PCDHGA4: variants seen among roughly 807,000 people sequenced by gnomAD.
PCDHGA4 encodes the protein protocadherin gamma-A4.
Under a neutral mutation model 54.6 loss-of-function variants are expected in PCDHGA4, and 38 were observed. That is an observed-to-expected ratio of 0.70 (90% confidence interval 0.54 to 0.91). The LOEUF (loss-of-function observed/expected upper bound fraction) is 0.91. Ranked by LOEUF, PCDHGA4 falls within the 40% of genes least tolerant of loss-of-function variation. PCDHGA4 has a pLI of 0.00. For missense variants in PCDHGA4, 1,298 were observed against 1,220.9 expected (o/e 1.06, Z -0.94); for synonymous variants, 511 against 512.9 (o/e 1.00, Z 0.05).
chr5:141,414,723 C>A (rs775890033), intron 1 of PCDHGA4: 2 of 1,614,170 alleles, frequency 1.2e-6, no homozygotes, highest in South Asian at 2.2e-5. Flanking sequence ...CAGACACTGG[C>A]GTCCTGTATG....
At chr5:141,394,923 T>G in intron 1 of PCDHGA4, 2 of 1,613,816 alleles carry the variant, frequency 1.2e-6, no homozygotes, top group Non-Finnish European at 8.5e-7. Context: ...CTCCTGTGTC[T>G]TCCTCGCCTT....
rs10040701 is a variant in PCDHGA4 at position 141,508,490 on chromosome 5, A to G, written c.2663-2457A>G. ...TCTTTCTTTTACATTCTGGATTTCC[A>G]TATCTTCTCTCCCTCCTGGTCCAGC... On this transcript the variant is annotated intron_variant, in intron 3 of 3. Transcript: ENST00000571252. Among the ~76,000 whole-genome samples, 377 of 152,202 alleles carry G rather than the reference A, an allele frequency of 2.5e-3. 1 individual carries two copies. The highest frequency in any genetic ancestry group is 8.6e-3 in the African/African-American group (358 of 41,530).
chr5:141,386,365 A>G (rs1014338903), intron 1 of PCDHGA4, among the ~76,000 whole-genome samples: 2 of 152,278 alleles, frequency 1.3e-5, no homozygotes. Flanking sequence ...GATTCCAGAG[A>G]CCTTTGAGTA....
Position 141,511,202 on chromosome 5 carries a change from C to A in PCDHGA4, c.*29C>A. On this transcript the variant is annotated 3_prime_UTR_variant, in exon 4 of 4. Transcript: ENST00000571252. ...GGAGGCCAGGCCAAGAGCCACAGGG[C>A]GGCCTCTCCCCAACCAGCCCAGCTT... The A allele has an allele frequency of 6.2e-7, 1 of 1,612,136 alleles. No individual in the cohort carries two copies.
intron 1 of PCDHGA4, chr5:141,362,171 G>A (rs62378417): frequency 2.4e-5 from 39 of 1,613,760 alleles, no homozygotes; most frequent in Non-Finnish European, 2.6e-5. Context: ...AGCGACCGCC[G>A]GGAGCCCTCT....
chr5:141,409,258 C>G (rs2095247947), intron 1 of PCDHGA4: 2 of 1,613,918 alleles, frequency 1.2e-6, no homozygotes, highest in Non-Finnish European at 8.5e-7. Flanking sequence ...TCACTTCTCT[C>G]TCTGATCAGA....
rs1265422100 is a variant in PCDHGA4 at position 141,490,199 on chromosome 5, C to A, written c.2515-4608C>A. On this transcript the variant is annotated intron_variant, in intron 1 of 3. Transcript: ENST00000571252. This position sits in a 1 kb window ranked among gnomAD's most constrained non-coding sequence, Gnocchi z 5.4. The stretch of plus-strand genomic sequence containing the variant: ...GAGTCACGTTTCTATGAAATTCATG[C>A]AAGAGCCCGTGACCAGGGACAGCCT... The A allele has an allele frequency of 1.9e-6, 3 of 1,614,184 alleles. No homozygotes were observed. The highest frequency in any genetic ancestry group is 2.5e-6 in the Non-Finnish European group (3 of 1,180,024).
At position 141,355,420 on chromosome 5, in the gene PCDHGA4, C is replaced by CT. The variant is rs35876439; in HGVS notation, c.317dup (p.Ala107ArgfsTer14). On this transcript the variant is annotated frameshift_variant, in exon 1 of 4. Coordinates refer to ENST00000571252, the MANE Select transcript of PCDHGA4 (RefSeq NM_018917.4). LOFTEE classifies it high-confidence loss of function. ...CATCGTCTCCAGAGGTAGGACGCAG[C>CT]TTTTCGCCCTGAACCCGCGCAGCGG... is the stretch of plus-strand genomic sequence containing the variant. The CT allele has an allele frequency of 1.4e-5, 22 of 1,614,124 alleles. No individual in the cohort carries two copies. In the South Asian group the frequency reaches 2.4e-4, roughly 18 times the overall value.
At chr5:141,399,279 C>T (rs370090713) in intron 1 of PCDHGA4, 76 of 1,613,576 alleles carry the variant, frequency 4.7e-5, no homozygotes, top group Non-Finnish European at 5.0e-5. Flanking sequence ...AATTACAAGG[C>T]GAAGTCCCTT....
chr5:141,389,718 C>G, intron 1 of PCDHGA4: 5 of 1,612,622 alleles, frequency 3.1e-6, no homozygotes, highest in Non-Finnish European at 4.2e-6. Flanking sequence ...GGCTAGCGAG[C>G]CCGGGCTCTT....
intron 1 of PCDHGA4, chr5:141,421,214 G>T (rs1469085534): frequency 5.1e-6 from 8 of 1,561,612 alleles, no homozygotes; most frequent in Non-Finnish European, 6.9e-6. Flanking sequence ...CGGAATATCG[G>T]CTTAGAGCCT....
chr5:141,385,571 T>C (rs2090288104), intron 1 of PCDHGA4: 5 of 1,299,428 alleles, frequency 3.8e-6, no homozygotes, highest in Non-Finnish European at 4.9e-6. Context: ...TCCACCTACT[T>C]TCCAATCTAT....
intron 1 of PCDHGA4, chr5:141,411,226 C>G (rs781690096): frequency 6.6e-6 from 1 of 151,996 alleles, no homozygotes; most frequent in South Asian, 2.1e-4. Flanking sequence ...TTCAAATTTG[C>G]GAAGACTTAG....
Position 141,486,885 on chromosome 5 carries a change from G to A in PCDHGA4, c.2515-7922G>A, listed in dbSNP as rs139638334. On this transcript the variant is annotated intron_variant, in intron 1 of 3. Transcript: ENST00000571252. The surrounding 1 kb of genome is among the most constrained non-coding windows in gnomAD (Gnocchi z 5.0). ...CCAGCTGTGCTCCGTCCTCGGGCCC[G>A]GCCTGGTTCCTTATGTCCCCAAGCA... is the stretch of plus-strand genomic sequence containing the variant. 16 of 1,614,076 alleles carry A rather than the reference G, an allele frequency of 9.9e-6. No individual in the cohort carries two copies. The highest frequency in any genetic ancestry group is 1.6e-4 in the Middle Eastern group (1 of 6,084).
intron 1 of PCDHGA4, among the ~76,000 whole-genome samples, chr5:141,460,252 A>T (rs1342135416): frequency 6.6e-6 from 1 of 151,974 alleles, no homozygotes; most frequent in African/African-American, 2.4e-5. Flanking sequence ...AATTTTGATA[A>T]AGCCCAATTT....
chr5:141,459,028 C>T (rs373532898), intron 1 of PCDHGA4, among the ~76,000 whole-genome samples: 1 of 152,202 alleles, frequency 6.6e-6, no homozygotes, highest in Non-Finnish European at 1.5e-5. Context: ...CCACCACATC[C>T]AGCCTTACCA....
intron 3 of PCDHGA4, among the ~76,000 whole-genome samples, chr5:141,506,146 T>C (rs1014881418): frequency 6.6e-6 from 1 of 152,086 alleles, no homozygotes; most frequent in African/African-American, 2.4e-5. Context: ...AAGAATATCA[T>C]TTGTCCTTAA....
chr5:141,356,419 C>T lies in PCDHGA4; in HGVS notation c.1312C>T (p.His438Tyr), dbSNP rs1282680268. 6.2e-7 allele frequency: 1 copy of T among 1,604,760 alleles called. No individual in the cohort carries two copies. The highest frequency in any genetic ancestry group is 8.5e-7 in the Non-Finnish European group (1 of 1,174,904). Residue 438 changes from histidine (H) to tyrosine (Y), a missense_variant, in exon 1 of 4, where the codon CAC (histidine) becomes TAC (tyrosine). Coordinates refer to ENST00000571252, the MANE Select transcript of PCDHGA4 (RefSeq NM_018917.4). The part of the protein sequence containing the change: ...TYGNYYRLLT[H>Y]RTLDREEVSE... ...TGGAAATTATTATCGGTTGTTGACACACAGAACACTGGACAGGGAAGAAGT... is the reference window on the plus strand; with the variant it reads ...TGGAAATTATTATCGGTTGTTGACATACAGAACACTGGACAGGGAAGAAGT...
intron 1 of PCDHGA4, among the ~76,000 whole-genome samples, chr5:141,447,993 T>A (rs2098557542): frequency 6.6e-6 from 1 of 151,554 alleles, no homozygotes; most frequent in Non-Finnish European, 1.5e-5. Context: ...GGCTGAGGCA[T>A]GAGAATCGCT....
Sources: allele counts gnomAD v4.1 joint callset (sites outside exome capture counted in the v4.1 genomes callset), GRCh38; gene constraint gnomAD v4.1.1; non-coding constraint Gnocchi (gnomAD v3.1); transcripts MANE v1.5; gene names NCBI Gene and HGNC (gene_info 2026-07-23, HGNC 2026-07-21).